Variants in CSMD3 observed in about 807,000 individuals in gnomAD.
CSMD3 encodes CUB and Sushi multiple domains 3, also known as CUB and sushi domain-containing protein 3.
In CSMD3, 177 loss-of-function variants were observed where a neutral mutation model predicts 435.2. The observed-to-expected ratio is 0.41, with a 90% CI of 0.36 to 0.46. The LOEUF (loss-of-function observed/expected upper bound fraction) is 0.46, where lower values mean the gene tolerates loss of function less well. Ranked by LOEUF, CSMD3 falls within the 20% of genes least tolerant of loss-of-function variation. CSMD3 has a pLI of 0.34. For missense variants in CSMD3, 4,265 were observed against 4,504.6 expected (o/e 0.95, Z 1.52); for synonymous variants, 1,656 against 1,520.5 (o/e 1.09, Z -2.07).
intron 1 of CSMD3, among the ~76,000 whole-genome samples, chr8:113,341,447 C>T (rs2094118157): frequency 6.6e-6 from 1 of 152,034 alleles, no homozygotes; most frequent in South Asian, 2.1e-4. Flanking sequence ...CAGTTCAAGG[C>T]AATATTTATT....
chr8:112,932,014 A>G (rs2083124695), intron 9 of CSMD3, among the ~76,000 whole-genome samples: 1 of 152,190 alleles, frequency 6.6e-6, no homozygotes. Flanking sequence ...AAATTAGTAC[A>G]GTCATTATGG....
rs768183010 is a variant in CSMD3, at chr8:112,408,402, G to C, written c.5521C>G (p.Pro1841Ala). 3 of 1,602,644 alleles carry C rather than the reference G, an allele frequency of 1.9e-6. No individual in the cohort carries two copies. Among genetic ancestry groups the C allele is most frequent in the Admixed American group, 3.3e-5 (2 of 59,936 alleles). The change falls in exon 34 of 71, where the codon CCA (proline) becomes GCA (alanine). Residue 1841 changes from proline (P) to alanine (A), a missense_variant. Around this residue, in one of 3 missense-constraint regions of CSMD3, gnomAD observed 3,255 missense variants for 3,380.2 expected, o/e 0.96. Coordinates refer to ENST00000297405, the MANE Select transcript of CSMD3 (RefSeq NM_198123.2). ...LSGSHSGESL[P>A]LSSGNQITIR... is the part of the protein sequence containing the mutation. ...GTGATCTGATTACCTGAACTCAGTG[G>C]AAGTGATTCTCCTACTCAACAAAAC... is the stretch of plus-strand genomic sequence containing the variant.
chr8:113,110,676 T>C (rs753347187), intron 4 of CSMD3, among the ~76,000 whole-genome samples: 13 of 152,206 alleles, frequency 8.5e-5, no homozygotes, highest in Non-Finnish European at 1.6e-4. Context: ...AATGAATGGA[T>C]ATTCACAGTA....
At chr8:112,323,552 A>T (rs1447020055) in intron 45 of CSMD3, among the ~76,000 whole-genome samples, 12 of 152,098 alleles carry the variant, frequency 7.9e-5, no homozygotes, top group African/African-American at 2.9e-4. Flanking sequence ...AGACACAGAG[A>T]TGATCACACA....
chr8:112,936,412 A>C (rs568941516), intron 9 of CSMD3, among the ~76,000 whole-genome samples: 1 of 152,238 alleles, frequency 6.6e-6, no homozygotes, highest in Non-Finnish European at 1.5e-5. Context: ...CTTTCACAAA[A>C]TTTACATATA....
intron 22 of CSMD3, 41 bp from the exon 23 acceptor site, chr8:112,587,276 A>C: frequency 7.0e-7 from 1 of 1,421,594 alleles, no homozygotes; most frequent in African/African-American, 1.4e-5. Context: ...TTTAATAGAT[A>C]GCAGTATCAT....
At chr8:112,888,499 T>C (rs72680285) in intron 10 of CSMD3, among the ~76,000 whole-genome samples, 21,249 of 151,514 alleles carry the variant, frequency 0.14, 1,723 homozygotes, top group Middle Eastern at 0.3. Context: ...GGGGAACAGG[T>C]GAGGCGTTGA....
chr8:113,212,998 T>C (rs756801540), intron 3 of CSMD3, among the ~76,000 whole-genome samples: 6 of 151,534 alleles, frequency 4.0e-5, no homozygotes, highest in Non-Finnish European at 7.4e-5. Flanking sequence ...TGCTCACCAT[T>C]ACCCCATGGA....
intron 12 of CSMD3, among the ~76,000 whole-genome samples, chr8:112,813,553 AAGGGAGAG>A (rs2079286876): frequency 6.6e-6 from 1 of 152,036 alleles, no homozygotes; most frequent in Non-Finnish European, 1.5e-5. Context: ...CGGGAGGGGG[AAGGGAGAG>A]AGGGAGAGAA....
At chr8:113,007,883 A>G (rs2086115574) in intron 6 of CSMD3, among the ~76,000 whole-genome samples, 1 of 151,948 alleles carries the variant, frequency 6.6e-6, no homozygotes, top group South Asian at 2.1e-4. Context: ...AAAACGTAAT[A>G]TAATGGAATG....
chr8:113,079,706 A>G (rs1288358170), intron 5 of CSMD3, among the ~76,000 whole-genome samples: 2 of 152,276 alleles, frequency 1.3e-5, no homozygotes, highest in Non-Finnish European at 2.9e-5. Flanking sequence ...TTGACTGTTG[A>G]AGTTAAAATT....
intron 32 of CSMD3, among the ~76,000 whole-genome samples, chr8:112,435,322 A>C (rs879423516): frequency 7.9e-5 from 12 of 152,090 alleles, no homozygotes; most frequent in Admixed American, 7.9e-4. Context: ...TATAACCATT[A>C]TCTCTGAACA....
chr8:112,588,717 C>T (rs1054856563), intron 22 of CSMD3, among the ~76,000 whole-genome samples: 1 of 152,080 alleles, frequency 6.6e-6, no homozygotes, highest in Non-Finnish European at 1.5e-5. Flanking sequence ...GTAACAGCTG[C>T]TCCAGTGTAG....
intron 3 of CSMD3, among the ~76,000 whole-genome samples, chr8:113,204,944 A>T (rs2132046687): frequency 6.6e-6 from 1 of 152,126 alleles, no homozygotes; most frequent in East Asian, 1.9e-4. Context: ...GTCTTACATG[A>T]ATGGCAGCAG....
chr8:112,659,843 C>T (rs539007303), intron 17 of CSMD3, among the ~76,000 whole-genome samples: 88 of 152,084 alleles, frequency 5.8e-4, no homozygotes, highest in Non-Finnish European at 1.1e-3. Flanking sequence ...TATTGACAAG[C>T]TGTTGAGACA....
intron 32 of CSMD3, among the ~76,000 whole-genome samples, chr8:112,462,550 C>T (rs1817557545): frequency 6.6e-6 from 1 of 151,974 alleles, no homozygotes; most frequent in Admixed American, 6.6e-5. Context: ...GATTATTTGA[C>T]AGTTATTTTG....
intron 3 of CSMD3, among the ~76,000 whole-genome samples, chr8:113,197,306 T>C (rs1284129021): frequency 6.6e-6 from 1 of 151,112 alleles, no homozygotes; most frequent in Non-Finnish European, 1.5e-5. Context: ...TATATATATA[T>C]ATAACACACA....
At chr8:112,800,617 A>G (rs2078938397) in intron 12 of CSMD3, among the ~76,000 whole-genome samples, 1 of 152,016 alleles carries the variant, frequency 6.6e-6, no homozygotes, top group Admixed American at 6.6e-5. Flanking sequence ...AACACCACAA[A>G]TATATCTTAA....
At chr8:112,724,332 T>C (rs2076921869) in intron 13 of CSMD3, among the ~76,000 whole-genome samples, 1 of 152,136 alleles carries the variant, frequency 6.6e-6, no homozygotes, top group Non-Finnish European at 1.5e-5. Context: ...GCCTTAATCC[T>C]GGTGCCTGAT....
Sources: allele counts gnomAD v4.1 joint callset (sites outside exome capture counted in the v4.1 genomes callset), GRCh38; gene constraint gnomAD v4.1.1; regional missense constraint gnomAD v4.1.1; transcripts MANE v1.5; gene names NCBI Gene and HGNC (gene_info 2026-07-23, HGNC 2026-07-21).